The following LIPA variants were observed in gnomAD, a reference collection of about 807,000 sequenced individuals.
LIPA encodes the protein lipase A, lysosomal acid type.
In LIPA, 26 loss-of-function variants were observed where a neutral mutation model predicts 40.6. The ratio of observed to expected loss-of-function variants is 0.64; its 90% confidence interval spans 0.47 to 0.89. The LOEUF (loss-of-function observed/expected upper bound fraction) is 0.89. Among genes scored for constraint, LIPA ranks in the 40% least tolerant of loss-of-function variants. The probability of loss-of-function intolerance (pLI) is 0.00; values close to 1 mark genes in which losing one functional copy is unlikely to be tolerated. For missense variants in LIPA, 455 were observed against 479.6 expected (o/e 0.95, Z 0.48); for synonymous variants, 188 against 168.4 (o/e 1.12, Z -0.90).
intron 5 of LIPA, among the ~76,000 whole-genome samples, chr10:89,226,655 A>G (rs1473790368): frequency 1.3e-5 from 2 of 152,218 alleles, no homozygotes; most frequent in Non-Finnish European, 1.5e-5. Flanking sequence ...ATCTTGCTTC[A>G]TCTAGGAAAA....
At position 89,371,267 on chromosome 10, in the gene LIPA, G is replaced by A. The variant is rs149793457; in HGVS notation, c.61+41524C>T. ...GCCACTGCCACTTCATGATCTTAAT[G>A]CATATGGCTTAAGACATATGGGTTA... On this transcript the variant is annotated intron_variant, in intron 2 of 8. Coordinates refer to the LIPA transcript ENST00000371837. Among the ~76,000 whole-genome samples, 260 of 152,318 alleles carry A rather than the reference G, an allele frequency of 1.7e-3. 5 individuals are homozygous for A. The East Asian group carries it at 0.043, about 25-fold the overall frequency.
At chr10:89,396,501 A>T (rs779318375) in intron 2 of LIPA, among the ~76,000 whole-genome samples, 1 of 152,182 alleles carries the variant, frequency 6.6e-6, no homozygotes, top group Non-Finnish European at 1.5e-5. Context: ...ATAACAACCC[A>T]TTCTCAAAGG....
chr10:89,346,755 A>G (rs116212949), upstream of LIPA, among the ~76,000 whole-genome samples: 734 of 152,372 alleles, frequency 4.8e-3, 2 homozygotes, highest in African/African-American at 0.017. Flanking sequence ...AAGATCCACC[A>G]GGGGATGGAC....
chr10:89,230,544 G>A (rs1164353370), intron 3 of LIPA, among the ~76,000 whole-genome samples: 2 of 152,014 alleles, frequency 1.3e-5, no homozygotes, highest in East Asian at 1.9e-4. Context: ...GGACTCAAGC[G>A]ATCCACCCAC....
chr10:89,300,738 G>A (rs1038349648), intron 1 of LIPA, among the ~76,000 whole-genome samples: 3 of 152,204 alleles, frequency 2.0e-5, no homozygotes, highest in African/African-American at 4.8e-5. Flanking sequence ...TGTAATCCCA[G>A]AACTTTGGCA....
intron 2 of LIPA, among the ~76,000 whole-genome samples, chr10:89,377,049 A>G (rs1844126873): frequency 6.6e-6 from 1 of 152,232 alleles, no homozygotes; most frequent in Admixed American, 6.5e-5. Flanking sequence ...CTACAAAACC[A>G]AGATCCAGAA....
chr10:89,276,927 G>A (rs565425332), intron 1 of LIPA, among the ~76,000 whole-genome samples: 10 of 152,268 alleles, frequency 6.6e-5, no homozygotes, highest in Non-Finnish European at 1.3e-4. Context: ...GAGGTCGAAC[G>A]AAGGCAGCCT....
chr10:89,384,348 C>T (rs539259581), intron 2 of LIPA: 5 of 1,614,108 alleles, frequency 3.1e-6, no homozygotes, highest in Admixed American at 3.3e-5. Flanking sequence ...CCTATGTTGA[C>T]CTGGCTGAAA....
At chr10:89,307,341 T>A in intron 1 of LIPA, 1 of 1,608,686 alleles carries the variant, frequency 6.2e-7, no homozygotes, top group Non-Finnish European at 8.5e-7. Flanking sequence ...TCTGGAAGCC[T>A]CATCCCTTCA....
intron 1 of LIPA, among the ~76,000 whole-genome samples, chr10:89,312,908 T>C (rs1030030902): frequency 6.6e-6 from 1 of 151,828 alleles, no homozygotes; most frequent in African/African-American, 2.4e-5. Context: ...TCTGCAGGAA[T>C]GAGAGCAAAT....
At chr10:89,256,501 T>A (rs1843181645), upstream of LIPA, among the ~76,000 whole-genome samples, 1 of 152,162 alleles carries the variant, frequency 6.6e-6, no homozygotes, top group Non-Finnish European at 1.5e-5. Context: ...AGAAATTTCA[T>A]GAAAGAGGAA....
chr10:89,396,597 G>A (rs1442671865), intron 2 of LIPA, among the ~76,000 whole-genome samples: 2 of 152,114 alleles, frequency 1.3e-5, no homozygotes, highest in Non-Finnish European at 2.9e-5. Context: ...GGTCATTCAC[G>A]AGAGACCTAC....
intron 1 of LIPA, among the ~76,000 whole-genome samples, chr10:89,285,790 A>G (rs1445763162): frequency 6.9e-6 from 1 of 145,080 alleles, no homozygotes; most frequent in Non-Finnish European, 1.5e-5. Context: ...TTTTCTCTCC[A>G]CTTCCCTGGG....
intron 1 of LIPA, chr10:89,335,565 A>C (rs915718441): frequency 6.6e-6 from 1 of 150,422 alleles, no homozygotes; most frequent in Non-Finnish European, 1.5e-5. Flanking sequence ...AAAAAGAGAG[A>C]GAGATAGTGT....
chr10:89,225,019 T>C, intron 6 of LIPA, 73 bp downstream of exon 6: 1 of 1,543,498 alleles, frequency 6.5e-7, no homozygotes, highest in South Asian at 1.1e-5. Flanking sequence ...AGATTATCCC[T>C]CCCCTTGCCA....
chr10:89,311,395 C>T (rs867587489), intron 1 of LIPA, among the ~76,000 whole-genome samples: 4 of 151,712 alleles, frequency 2.6e-5, no homozygotes, highest in African/African-American at 9.7e-5. Flanking sequence ...CCAGGCATGG[C>T]GGTGTGTGCC....
intron 2 of LIPA, among the ~76,000 whole-genome samples, chr10:89,381,072 G>A (rs1187968093): frequency 6.6e-6 from 1 of 152,202 alleles, no homozygotes; most frequent in African/African-American, 2.4e-5. Flanking sequence ...AGATCACTCA[G>A]AGGAAGACTG....
chr10:89,339,948 G>A (rs1009212826), intron 1 of LIPA: 1 of 1,614,182 alleles, frequency 6.2e-7, no homozygotes, highest in Admixed American at 1.7e-5. Flanking sequence ...ATGGAGATCT[G>A]CTGCAAGCAG....
intron 1 of LIPA, among the ~76,000 whole-genome samples, chr10:89,289,872 C>T (rs1843362992): frequency 6.6e-6 from 1 of 152,104 alleles, no homozygotes; most frequent in Non-Finnish European, 1.5e-5. Flanking sequence ...ATCTCCACCA[C>T]ACTATCAATC....
Sources: allele counts gnomAD v4.1 joint callset (sites outside exome capture counted in the v4.1 genomes callset), GRCh38; gene constraint gnomAD v4.1.1; transcripts MANE v1.5; gene names NCBI Gene and HGNC (gene_info 2026-07-23, HGNC 2026-07-21).